KCNJ1: variants seen among roughly 807,000 people sequenced by gnomAD.
The protein encoded by KCNJ1 is potassium inwardly rectifying channel subfamily J member 1.
In KCNJ1, 24 loss-of-function variants were observed where a neutral mutation model predicts 21.9. That is an observed-to-expected ratio of 1.10 (90% CI 0.79 to 1.54). KCNJ1 has a LOEUF of 1.54. Ranked by LOEUF, KCNJ1 falls within the 40% of genes most tolerant of loss-of-function variation. KCNJ1 has a pLI of 0.00. For synonymous variants in KCNJ1, 152 were observed against 160.9 expected (o/e 0.94, Z 0.42); for missense variants, 457 against 455.4 (o/e 1.00, Z -0.03).
intron 1 of KCNJ1, among the ~76,000 whole-genome samples, chr11:128,858,505 G>T (rs1402532469): frequency 1.3e-5 from 2 of 152,138 alleles, no homozygotes; most frequent in Non-Finnish European, 2.9e-5. Flanking sequence ...ATACTTTTCA[G>T]AGTTATTTGA....
intron 2 of KCNJ1, 73 bp from the exon 3 acceptor site, chr11:128,840,337 A>T: frequency 7.2e-7 from 1 of 1,388,132 alleles, no homozygotes; most frequent in Non-Finnish European, 1.0e-6. Flanking sequence ...CCCACATGAA[A>T]GACCTAACTA....
intron 1 of KCNJ1, among the ~76,000 whole-genome samples, chr11:128,856,802 G>A (rs563713888): frequency 6.6e-6 from 1 of 151,998 alleles, no homozygotes; most frequent in Non-Finnish European, 1.5e-5. Flanking sequence ...GGACCTGTCT[G>A]TCCTCTTCTC....
intron 1 of KCNJ1, among the ~76,000 whole-genome samples, chr11:128,860,298 T>C (rs1378186657): frequency 1.3e-5 from 2 of 152,200 alleles, no homozygotes; most frequent in Non-Finnish European, 2.9e-5. Context: ...GAAGAACTGT[T>C]GACTAGACAG....
intron 1 of KCNJ1, among the ~76,000 whole-genome samples, chr11:128,855,099 A>T (rs1175272241): frequency 6.6e-6 from 1 of 152,192 alleles, no homozygotes; most frequent in African/African-American, 2.4e-5. Flanking sequence ...TGGAAAACAA[A>T]CAAAAAATAG....
intron 2 of KCNJ1, among the ~76,000 whole-genome samples, chr11:128,844,533 C>T (rs1243757852): frequency 2.0e-5 from 3 of 152,178 alleles, no homozygotes; most frequent in Non-Finnish European, 4.4e-5. Context: ...CCTGAATTTC[C>T]TTTTCTCCAT....
At chr11:128,850,088 C>T (rs576614471) in intron 2 of KCNJ1, among the ~76,000 whole-genome samples, 86 of 152,222 alleles carry the variant, frequency 5.6e-4, no homozygotes, top group Non-Finnish European at 4.6e-4. Context: ...CGCCTCCAAC[C>T]ATAGAGGCTG....
chr11:128,841,408 A>G (rs747138385), intron 2 of KCNJ1, among the ~76,000 whole-genome samples: 3 of 152,172 alleles, frequency 2.0e-5, no homozygotes, highest in Non-Finnish European at 2.9e-5. Flanking sequence ...TTTTTTATAG[A>G]TGACATTACT....
At chr11:128,840,478 C>A (rs1434750825) in intron 2 of KCNJ1, among the ~76,000 whole-genome samples, 1 of 151,988 alleles carries the variant, frequency 6.6e-6, no homozygotes, top group Non-Finnish European at 1.5e-5. Context: ...CATAAAGAGG[C>A]AAAATAATTA....
intron 2 of KCNJ1, chr11:128,842,397 A>T (rs1323515096): frequency 6.2e-7 from 1 of 1,613,734 alleles, no homozygotes; most frequent in African/African-American, 1.3e-5. Flanking sequence ...TGTCAAACAC[A>T]TTCCGACTGG....
chr11:128,860,585 A>G (rs995066023), intron 1 of KCNJ1, among the ~76,000 whole-genome samples: 1 of 152,224 alleles, frequency 6.6e-6, no homozygotes, highest in Non-Finnish European at 1.5e-5. Context: ...GATTATTGAA[A>G]ATTAGCCCAC....
At chr11:128,847,744 T>G (rs936603140) in intron 2 of KCNJ1, among the ~76,000 whole-genome samples, 1 of 152,188 alleles carries the variant, frequency 6.6e-6, no homozygotes, top group Non-Finnish European at 1.5e-5. Flanking sequence ...CCGGGCAGGG[T>G]GTTTGTGAGG....
intron 1 of KCNJ1, among the ~76,000 whole-genome samples, chr11:128,863,070 C>T (rs1265722235): frequency 1.3e-5 from 2 of 152,320 alleles, no homozygotes; most frequent in Middle Eastern, 3.4e-3. Flanking sequence ...TCAAGGGCAA[C>T]GAACCATGAG....
At chr11:128,864,014 ACTTAAGGTTTGAC>A (rs1307845931) in intron 1 of KCNJ1, among the ~76,000 whole-genome samples, 5 of 151,256 alleles carry the variant, frequency 3.3e-5, no homozygotes, top group Admixed American at 3.3e-4. Context: ...CCTTAAGGTA[ACTTAAGGTTTGAC>A]CTTAAGGTTT....
At position 128,839,115 on chromosome 11, in the gene KCNJ1, A is replaced by G; in HGVS notation, c.*10T>C. On this transcript the variant is annotated 3_prime_UTR_variant, in exon 3 of 3. Coordinates refer to ENST00000392666, the MANE Select transcript of KCNJ1 (RefSeq NM_153766.3). ...AGAGACTTTGCTTTACTCCCGTTGA[A>G]AAGCCACTGTTACATTTTGGTGTCA... The G allele has an allele frequency of 6.2e-7, 1 of 1,612,448 alleles. No homozygotes were observed. Among genetic ancestry groups the G allele is most frequent in the South Asian group, 1.1e-5 (1 of 91,058 alleles).
chr11:128,862,133 G>C (rs1230187366), intron 1 of KCNJ1, among the ~76,000 whole-genome samples: 2 of 152,102 alleles, frequency 1.3e-5, no homozygotes, highest in African/African-American at 4.8e-5. Flanking sequence ...GATACTTAAG[G>C]GGCAACTTTG....
intron 1 of KCNJ1, among the ~76,000 whole-genome samples, chr11:128,862,126 A>G (rs1277642974): frequency 6.6e-6 from 1 of 152,118 alleles, no homozygotes; most frequent in African/African-American, 2.4e-5. Context: ...GCCACAAGAT[A>G]CTTAAGGGGC....
intron 1 of KCNJ1, among the ~76,000 whole-genome samples, chr11:128,859,105 C>T (rs1943648845): frequency 6.6e-6 from 1 of 152,218 alleles, no homozygotes; most frequent in Non-Finnish European, 1.5e-5. Context: ...ATCTCTGTCA[C>T]ATACCAGCAA....
chr11:128,856,676 G>A (rs1416405929), intron 1 of KCNJ1, among the ~76,000 whole-genome samples: 1 of 152,070 alleles, frequency 6.6e-6, no homozygotes, highest in Non-Finnish European at 1.5e-5. Context: ...CCTGTCAATG[G>A]CACACCCACC....
chr11:128,858,096 G>A lies in KCNJ1; in HGVS notation c.-191-7206C>T, dbSNP rs571739302. Among the ~76,000 whole-genome samples, 147 of 150,710 alleles carry A rather than the reference G, an allele frequency of 9.8e-4. 1 individual carries two copies. Among genetic ancestry groups the A allele is most frequent in the African/African-American group, 3.4e-3 (140 of 41,148 alleles). On this transcript the variant is annotated intron_variant, in intron 1 of 2. Transcript: ENST00000392666. ...GGAATGCGAGAAGCTCCACGATGGC[G>A]AGAGATGGGGAGGGATGGGGCAGGA...
Sources: allele counts gnomAD v4.1 joint callset (sites outside exome capture counted in the v4.1 genomes callset), GRCh38; gene constraint gnomAD v4.1.1; transcripts MANE v1.5; gene names NCBI Gene and HGNC (gene_info 2026-07-23, HGNC 2026-07-21).